The following LDLRAD3 variants were observed in gnomAD, a reference collection of about 807,000 sequenced individuals.
The protein encoded by LDLRAD3 is low density lipoprotein receptor class A domain containing 3.
In LDLRAD3, 20 loss-of-function variants were observed where a neutral mutation model predicts 29.4. The observed-to-expected ratio is 0.68, with a 90% CI of 0.48 to 0.99. The LOEUF (loss-of-function observed/expected upper bound fraction) is 0.99. Ranked by LOEUF, LDLRAD3 falls within the 50% of genes least tolerant of loss-of-function variation. The probability of loss-of-function intolerance (pLI) is 0.00; values close to 1 mark genes in which losing one functional copy is unlikely to be tolerated. For missense variants in LDLRAD3, 420 were observed against 454.3 expected (o/e 0.92, Z 0.69); for synonymous variants, 157 against 192.7 (o/e 0.81, Z 1.53).
intron 2 of LDLRAD3, among the ~76,000 whole-genome samples, chr11:36,051,854 T>C (rs561968612): frequency 6.6e-6 from 1 of 152,328 alleles, no homozygotes; most frequent in Admixed American, 6.5e-5. Context: ...CTTTGCCACC[T>C]TGGGCTCCTG....
chr11:35,961,136 A>G (rs189174069), intron 1 of LDLRAD3, among the ~76,000 whole-genome samples: 12 of 152,256 alleles, frequency 7.9e-5, no homozygotes, highest in Admixed American at 4.6e-4. Flanking sequence ...ATGTTTCCCA[A>G]TTGTGTGGAT....
intron 1 of LDLRAD3, among the ~76,000 whole-genome samples, chr11:36,004,498 G>T (rs1294684363): frequency 6.6e-6 from 1 of 152,174 alleles, no homozygotes. Flanking sequence ...GCAGGGTACA[G>T]CCCCCATGGC....
chr11:36,175,943 A>G (rs551135736), intron 4 of LDLRAD3, among the ~76,000 whole-genome samples: 1 of 152,156 alleles, frequency 6.6e-6, no homozygotes, highest in East Asian at 1.9e-4. Flanking sequence ...TGTCTATCTC[A>G]TTTCTTAGGT....
At chr11:36,209,616 C>G (rs1235451443) in intron 4 of LDLRAD3, among the ~76,000 whole-genome samples, 2 of 152,020 alleles carry the variant, frequency 1.3e-5, no homozygotes, top group Non-Finnish European at 2.9e-5. Flanking sequence ...CCTCGGCCTC[C>G]CAAAGTGCTG....
chr11:35,996,196 C>T (rs977498579), intron 1 of LDLRAD3, among the ~76,000 whole-genome samples: 1 of 152,156 alleles, frequency 6.6e-6, no homozygotes, highest in Admixed American at 6.6e-5. Context: ...GAGAGATGTA[C>T]AACGCTTTCT....
intron 4 of LDLRAD3, among the ~76,000 whole-genome samples, chr11:36,138,891 C>T (rs1361150160): frequency 6.6e-6 from 1 of 152,332 alleles, no homozygotes; most frequent in Admixed American, 6.5e-5. Flanking sequence ...CATGTAATCC[C>T]TATGTAATAG....
At chr11:36,187,578 A>T (rs751639922) in intron 4 of LDLRAD3, among the ~76,000 whole-genome samples, 1 of 152,190 alleles carries the variant, frequency 6.6e-6, no homozygotes, top group African/African-American at 2.4e-5. Context: ...AGGTGGACAT[A>T]CAGCTCAGCT....
intron 1 of LDLRAD3, among the ~76,000 whole-genome samples, chr11:35,956,274 G>A (rs1851199859): frequency 6.6e-6 from 1 of 152,140 alleles, no homozygotes; most frequent in Non-Finnish European, 1.5e-5. Flanking sequence ...ATCGCTTGAG[G>A]CCAGGAGTGG....
At chr11:36,050,591 T>C (rs980299817) in intron 2 of LDLRAD3, among the ~76,000 whole-genome samples, 8 of 152,318 alleles carry the variant, frequency 5.3e-5, no homozygotes, top group Admixed American at 2.0e-4. Flanking sequence ...AAGTTGAGTG[T>C]AGTTCAGTGG....
At chr11:35,981,879 T>G (rs1009787768) in intron 1 of LDLRAD3, among the ~76,000 whole-genome samples, 1 of 152,194 alleles carries the variant, frequency 6.6e-6, no homozygotes, top group Non-Finnish European at 1.5e-5. Context: ...AAGCTGTATT[T>G]TCTGCTTTTG....
At chr11:36,170,306 A>ATATGTACG (rs1854577909) in intron 4 of LDLRAD3, among the ~76,000 whole-genome samples, 2 of 30,126 alleles carry the variant, frequency 6.6e-5, no homozygotes, top group Non-Finnish European at 1.6e-4. Flanking sequence ...ATATATATAC[A>ATATGTACG]TATATACGTA....
At chr11:35,971,806 T>C (rs1590695635) in intron 1 of LDLRAD3, among the ~76,000 whole-genome samples, 1 of 151,876 alleles carries the variant, frequency 6.6e-6, no homozygotes, top group South Asian at 2.1e-4. Flanking sequence ...AGGAAGGTGG[T>C]GTGGACCAGG....
At chr11:36,179,552 CT>C (rs1415570891) in intron 4 of LDLRAD3, among the ~76,000 whole-genome samples, 1 of 152,160 alleles carries the variant, frequency 6.6e-6, no homozygotes, top group East Asian at 1.9e-4. Flanking sequence ...ACTAAAACAC[CT>C]TGTGAGAACC....
At chr11:35,975,695 G>A (rs766236849) in intron 1 of LDLRAD3, among the ~76,000 whole-genome samples, 2 of 152,166 alleles carry the variant, frequency 1.3e-5, no homozygotes, top group South Asian at 4.1e-4. Context: ...TGCAACTGGT[G>A]TAATCTTTGG....
intron 4 of LDLRAD3, among the ~76,000 whole-genome samples, chr11:36,104,302 C>T (rs1225872673): frequency 6.6e-6 from 1 of 152,168 alleles, no homozygotes; most frequent in Non-Finnish European, 1.5e-5. Flanking sequence ...TCTGCAGCCC[C>T]GGCTGACACG....
intron 4 of LDLRAD3, among the ~76,000 whole-genome samples, chr11:36,101,477 C>A (rs1021103003): frequency 6.6e-6 from 1 of 152,214 alleles, no homozygotes; most frequent in East Asian, 1.9e-4. Flanking sequence ...CAGATATCCA[C>A]GATTTATTAA....
At chr11:35,969,842 C>G (rs1161675976) in intron 1 of LDLRAD3, among the ~76,000 whole-genome samples, 1 of 152,212 alleles carries the variant, frequency 6.6e-6, no homozygotes, top group Non-Finnish European at 1.5e-5. Flanking sequence ...GAGTTTTTTT[C>G]AGAGACCCAC....
At chr11:36,196,410 G>A (rs986011577) in intron 4 of LDLRAD3, 2 of 152,288 alleles carry the variant, frequency 1.3e-5, no homozygotes, top group Non-Finnish European at 2.9e-5. Context: ...TTTGAAATGG[G>A]GTAGCAGTTT....
chr11:36,173,632 T>C (rs1854630087), intron 4 of LDLRAD3, among the ~76,000 whole-genome samples: 1 of 152,134 alleles, frequency 6.6e-6, no homozygotes, highest in African/African-American at 2.4e-5. Flanking sequence ...TTGTGAATAA[T>C]GCCACAATAA....
Sources: gnomAD v4.1 joint callset for allele counts (sites outside exome capture counted in the v4.1 genomes callset) on GRCh38, gnomAD v4.1.1 for gene constraint, MANE v1.5 for transcripts, NCBI Gene and HGNC (gene_info 2026-07-23, HGNC 2026-07-21) for gene names.